SGIP1: variants seen among roughly 807,000 people sequenced by gnomAD.
SGIP1 encodes SH3GL interacting endocytic adaptor 1.
Under a neutral mutation model 107.5 loss-of-function variants are expected in SGIP1, and 38 were observed. The ratio of observed to expected loss-of-function variants is 0.35; its 90% CI spans 0.27 to 0.46. The LOEUF (loss-of-function observed/expected upper bound fraction) is 0.46, where lower values mean the gene tolerates loss of function less well. SGIP1 is among the 20% of genes least tolerant of loss of function. The pLI is 1.00. For synonymous variants in SGIP1, 365 were observed against 366.1 expected, an observed-to-expected ratio of 1.00 and a Z score of 0.03; for missense variants, 929 against 1,019.5, an observed-to-expected ratio of 0.91 and a Z score of 1.21.
chr1:66,658,959 A>T (rs1434258353), intron 7 of SGIP1, among the ~76,000 whole-genome samples: 1 of 152,136 alleles, frequency 6.6e-6, no homozygotes, highest in African/African-American at 2.4e-5. Context: ...TGGGCAGGAG[A>T]CAGGGAAGCG....
intron 1 of SGIP1, among the ~76,000 whole-genome samples, chr1:66,548,716 G>T (rs2056880649): frequency 6.6e-6 from 1 of 152,078 alleles, no homozygotes; most frequent in South Asian, 2.1e-4. Context: ...GTTGACAGAG[G>T]TTGACCTCTC....
intron 1 of SGIP1, among the ~76,000 whole-genome samples, chr1:66,547,541 C>T (rs149165470): frequency 1.6e-4 from 24 of 152,266 alleles, no homozygotes; most frequent in Middle Eastern, 3.4e-3. Context: ...CAACCCAGTT[C>T]AAGTTGGCAC....
At chr1:66,646,569 CT>C (rs1443586476) in intron 7 of SGIP1, among the ~76,000 whole-genome samples, 2 of 152,084 alleles carry the variant, frequency 1.3e-5, no homozygotes, top group African/African-American at 4.8e-5. Flanking sequence ...AATTTGATCT[CT>C]TTTATCATGA....
chr1:66,566,809 G>A (rs1270229748), intron 1 of SGIP1, among the ~76,000 whole-genome samples: 1 of 151,816 alleles, frequency 6.6e-6, no homozygotes, highest in African/African-American at 2.4e-5. Context: ...CCGTCATCTA[G>A]GTTTTAAGCC....
intron 1 of SGIP1, among the ~76,000 whole-genome samples, chr1:66,605,151 G>A (rs529349232): frequency 5.3e-5 from 8 of 152,248 alleles, no homozygotes; most frequent in Admixed American, 3.3e-4. Flanking sequence ...CCCATGACCT[G>A]ACCCTTTAGC....
At chr1:66,630,853 A>AGAGAG (rs1558133316) in intron 2 of SGIP1, among the ~76,000 whole-genome samples, 1 of 32,724 alleles carries the variant, frequency 3.1e-5, no homozygotes, top group African/African-American at 1.6e-4. Context: ...GAAAGAAAGA[A>AGAGAG]AGAAAGAAAG....
chr1:66,739,381 A>C lies in SGIP1; in HGVS notation c.2078A>C (p.Asn693Thr), dbSNP rs966036956. Reference protein sequence around the residue: ...IQSTPLNLAVNWRCEPSSTDL... With the variant: ...IQSTPLNLAVTWRCEPSSTDL... ...TCCACACCTCTGAACCTGGCAGTGA[A>C]TTGGCGATGTGAGCCTTCAAGCACT... The change falls in exon 22 of 25, where the codon AAT becomes ACT. Residue 693 changes from asparagine to threonine, a missense_variant. By Grantham distance (65) the Asn-to-Thr change is moderately conservative (BLOSUM62 0). Transcript: ENST00000371037. 6.2e-7 allele frequency: 1 copy of C among 1,609,578 alleles called. No homozygotes were observed. The highest frequency in any genetic ancestry group is 1.4e-5 in the African/African-American group (1 of 70,816).
At chr1:66,713,185 C>A (rs1465353451) in intron 18 of SGIP1, among the ~76,000 whole-genome samples, 1 of 152,108 alleles carries the variant, frequency 6.6e-6, no homozygotes, top group African/African-American at 2.4e-5. Context: ...CCTCCATTTT[C>A]TCATCTGTAA....
intron 7 of SGIP1, among the ~76,000 whole-genome samples, chr1:66,644,248 C>T (rs1287421205): frequency 6.6e-6 from 1 of 151,902 alleles, no homozygotes; most frequent in African/African-American, 2.4e-5. Context: ...ATCAAATTGA[C>T]TTAAATAATC....
intron 17 of SGIP1, chr1:66,694,337 A>T: frequency 2.1e-6 from 2 of 949,178 alleles, no homozygotes; most frequent in Non-Finnish European, 3.2e-6. Flanking sequence ...TTCCACTAAA[A>T]TCATTCCTGT....
At chr1:66,658,452 A>G (rs560594567) in intron 7 of SGIP1, among the ~76,000 whole-genome samples, 1 of 152,186 alleles carries the variant, frequency 6.6e-6, no homozygotes, top group Admixed American at 6.5e-5. Flanking sequence ...GAGCTGGTGA[A>G]AGAAACATTA....
intron 2 of SGIP1, among the ~76,000 whole-genome samples, chr1:66,632,320 G>A (rs1218926394): frequency 6.6e-6 from 1 of 152,196 alleles, no homozygotes; most frequent in East Asian, 1.9e-4. Flanking sequence ...TCATCAGAAG[G>A]AGGCATTTAG....
At position 66,611,039 on chromosome 1, in the gene SGIP1, C is replaced by T. The variant is rs1027504487; in HGVS notation, c.11-14808C>T. Among the ~76,000 whole-genome samples the T allele has an allele frequency of 3.3e-5, 5 of 151,930 alleles. No homozygotes were observed. In the East Asian group the frequency reaches 9.6e-4, roughly 29 times the overall value. ...GACTACAAACTGGGTACAGTGTATA[C>T]TACTCAGGTGATGGATGCACCAAAA... is the stretch of plus-strand genomic sequence containing the variant. On this transcript the variant is annotated intron_variant, in intron 1 of 24. Coordinates refer to ENST00000371037, the MANE Select transcript of SGIP1 (RefSeq NM_032291.4).
chr1:66,641,696 A>G (rs2149482799), intron 5 of SGIP1, among the ~76,000 whole-genome samples: 1 of 152,300 alleles, frequency 6.6e-6, no homozygotes, highest in South Asian at 2.1e-4. Flanking sequence ...TGCTTACCAT[A>G]TAATAAGAAT....
At chr1:66,599,720 C>T (rs931573095) in intron 1 of SGIP1, among the ~76,000 whole-genome samples, 2 of 152,144 alleles carry the variant, frequency 1.3e-5, no homozygotes, top group Non-Finnish European at 2.9e-5. Context: ...GATTTTTGTT[C>T]AGTCTGAATA....
chr1:66,692,876 A>T (rs928542396), intron 17 of SGIP1, among the ~76,000 whole-genome samples: 1 of 152,208 alleles, frequency 6.6e-6, no homozygotes, highest in Non-Finnish European at 1.5e-5. Context: ...GTGATTACAC[A>T]ATAGCAAATC....
intron 18 of SGIP1, among the ~76,000 whole-genome samples, chr1:66,707,070 G>C (rs1384389871): frequency 2.6e-5 from 4 of 151,966 alleles, no homozygotes; most frequent in Admixed American, 2.6e-4. Context: ...ATGAAACCCT[G>C]TCTGCATGTA....
intron 16 of SGIP1, among the ~76,000 whole-genome samples, 158 bp downstream of exon 16, chr1:66,689,433 C>T (rs945230123): frequency 1.3e-5 from 2 of 152,182 alleles, no homozygotes; most frequent in South Asian, 4.1e-4. Context: ...ACATTTCAAC[C>T]CTCCTCAAAT....
At chr1:66,694,596 C>A in intron 17 of SGIP1, 1 of 1,004,206 alleles carries the variant, frequency 1.0e-6, no homozygotes, top group South Asian at 1.8e-5. Context: ...TGGACATGCC[C>A]TCACCTCATG....
Sources: allele counts gnomAD v4.1 joint callset (sites outside exome capture counted in the v4.1 genomes callset), GRCh38; gene constraint gnomAD v4.1.1; transcripts MANE v1.5; gene names NCBI Gene and HGNC (gene_info 2026-07-23, HGNC 2026-07-21).